Variants in ARHGEF6 observed in about 807,000 individuals in gnomAD.
ARHGEF6 encodes rho guanine nucleotide exchange factor 6.
Under a neutral mutation model 70.3 loss-of-function variants are expected in ARHGEF6, and 9 were observed. That is an observed-to-expected ratio of 0.13 (90% CI 0.08 to 0.22). ARHGEF6 has a LOEUF of 0.22. ARHGEF6 is among the 10% of genes least tolerant of loss of function. ARHGEF6 has a pLI of 1.00. For missense variants in ARHGEF6, 470 were observed against 563.0 expected, an observed-to-expected ratio of 0.83 and a Z score of 1.67; for synonymous variants, 201 against 207.8, an observed-to-expected ratio of 0.97 and a Z score of 0.28.
intron 20 of ARHGEF6, 41 bp from the exon 21 acceptor site, chrX:136,669,577 C>T (rs1247395778): frequency 2.8e-6 from 3 of 1,053,535 alleles, no homozygotes; most frequent in African/African-American, 1.8e-5. Flanking sequence ...ATGGCTTGCA[C>T]TGAGGTACTG....
chrX:136,733,962 C>T (rs1287878371), intron 5 of ARHGEF6, among the ~76,000 whole-genome samples: 1 of 112,053 alleles, frequency 8.9e-6, no homozygotes, highest in Non-Finnish European at 1.9e-5. Flanking sequence ...GAAGACCTTG[C>T]TGGGAAGGAG....
Position 136,709,088 on chromosome X carries a change from T to C in ARHGEF6, c.828-318A>G, listed in dbSNP as rs143285189. 2.3e-3 allele frequency among the ~76,000 whole-genome samples: 255 copies of C among 112,062 alleles called. 2 individuals are homozygous for C. The highest frequency in any genetic ancestry group is 8.0e-3 in the African/African-American group (246 of 30,905). On this transcript the variant is annotated intron_variant, in intron 7 of 21. Coordinates refer to ENST00000250617, the MANE Select transcript of ARHGEF6 (RefSeq NM_004840.3). Reference sequence around the variant, plus strand: ...AAAATACATCATAGCTGTGAATAAGTGTAAAAAACTCTTGAGTACCTTCCT... The same window carrying C: ...AAAATACATCATAGCTGTGAATAAGCGTAAAAAACTCTTGAGTACCTTCCT...
At chrX:136,760,922 T>A (rs1452006418) in intron 2 of ARHGEF6, among the ~76,000 whole-genome samples, 1 of 112,486 alleles carries the variant, frequency 8.9e-6, no homozygotes, top group African/African-American at 3.2e-5. Flanking sequence ...CAGGTAAACA[T>A]GAGCAACTGA....
At chrX:136,780,302 A>G (rs1225733909) in intron 1 of ARHGEF6, among the ~76,000 whole-genome samples, 3 of 111,870 alleles carry the variant, frequency 2.7e-5, no homozygotes, top group Non-Finnish European at 3.8e-5. Context: ...AAGGAAATCT[A>G]CACTGATTTT....
rs756722437 is a variant in ARHGEF6 at position 136,688,558 on chromosome X, C to A, written c.1186-567G>T. Among the ~76,000 whole-genome samples the A allele has an allele frequency of 9.1e-5, 10 of 110,110 alleles. No individual in the cohort carries two copies. In the East Asian group the frequency reaches 2.6e-3, roughly 28 times the overall value. On this transcript the variant is annotated intron_variant, in intron 10 of 21. Transcript: ENST00000250617. ...CCTATAGTCCCAGCTACTTGGGAGG[C>A]TGAGCTGAGAGGATCAGCTGAGCCC...
chrX:136,780,664 G>A, intron 1 of ARHGEF6, 54 bp downstream of exon 1: 2 of 1,078,910 alleles, frequency 1.9e-6, no homozygotes, highest in Non-Finnish European at 2.6e-6. Flanking sequence ...AGAGTTACAT[G>A]ATTGCTGCTC....
intron 2 of ARHGEF6, among the ~76,000 whole-genome samples, chrX:136,774,331 CCAT>C (rs1384675907): frequency 5.5e-4 from 13 of 23,556 alleles, no homozygotes; most frequent in African/African-American, 1.2e-3. Flanking sequence ...GGCAACTTCA[CCAT>C]GTTTTTATTT....
In ARHGEF6 at chrX:136,706,969, A is replaced by T; in HGVS notation, c.985T>A (p.Ser329Thr). The change falls in exon 9 of 22, where the codon TCT becomes ACT. Residue 329 changes from serine (S) to threonine (T), a missense_variant. This residue lies in a region of ARHGEF6 where 379 missense variants were observed against 449.3 expected (regional missense o/e 0.84). Transcript: ENST00000250617. ...TTTGCACAGTAAGCCAGATACATAG[A>T]TTTAAAATGAGGCATGAGACTCAGT... is the stretch of plus-strand genomic sequence containing the variant. Reference protein sequence around the residue: ...CLLSLMPHFKSMYLAYCANHP... With the variant: ...CLLSLMPHFKTMYLAYCANHP... The T allele has an allele frequency of 1.7e-6, 2 of 1,211,209 alleles. No individual in the cohort carries two copies. The highest frequency in any genetic ancestry group is 5.9e-5 in the East Asian group (2 of 33,854).
intron 2 of ARHGEF6, among the ~76,000 whole-genome samples, chrX:136,765,286 A>G (rs1162043724): frequency 8.9e-6 from 1 of 112,447 alleles, no homozygotes; most frequent in Non-Finnish European, 1.9e-5. Flanking sequence ...AAGCACAGTG[A>G]TAAACAGATT....
rs367731529 is a variant in ARHGEF6, at chrX:136,750,971, T to TTTTG, written c.250-3383_250-3380dup. On this transcript the variant is annotated intron_variant, in intron 2 of 21. Coordinates refer to ENST00000250617, the MANE Select transcript of ARHGEF6 (RefSeq NM_004840.3). ...GGACCTGCCACCATGCCCGGCTAAT[T>TTTTG]TTTGTTTGTTTGTTTGTTTGTTTTT... 3.7e-3 allele frequency among the ~76,000 whole-genome samples: 401 copies of TTTTG among 109,583 alleles called. 2 individuals carry two copies. Among genetic ancestry groups the TTTTG allele is most frequent in the African/African-American group, 0.012 (346 of 29,981 alleles).
At chrX:136,743,452 T>C (rs2077065358) in intron 5 of ARHGEF6, 133 bp downstream of exon 5, 2 of 586,612 alleles carry the variant, frequency 3.4e-6, no homozygotes, top group Non-Finnish European at 5.5e-6. Context: ...AGTTCTGTTC[T>C]ACTCTTATTT....
chrX:136,689,821 C>T (rs2076440701), intron 10 of ARHGEF6, among the ~76,000 whole-genome samples: 1 of 111,366 alleles, frequency 9.0e-6, no homozygotes, highest in South Asian at 3.9e-4. Flanking sequence ...CCCTCCTCTC[C>T]CACCCACACT....
At chrX:136,712,194 C>T (rs1207397817) in intron 7 of ARHGEF6, among the ~76,000 whole-genome samples, 1 of 111,562 alleles carries the variant, frequency 9.0e-6, no homozygotes, top group African/African-American at 3.3e-5. Context: ...CTGCAGCCTC[C>T]GCCTCCCAGG....
At chrX:136,748,449 C>A (rs2077118284) in intron 2 of ARHGEF6, among the ~76,000 whole-genome samples, 1 of 112,441 alleles carries the variant, frequency 8.9e-6, no homozygotes, top group African/African-American at 3.2e-5. Flanking sequence ...TTACCTGTTA[C>A]CTTTGAAATG....
At chrX:136,772,724 A>C (rs1285058641) in intron 2 of ARHGEF6, among the ~76,000 whole-genome samples, 1 of 111,406 alleles carries the variant, frequency 9.0e-6, no homozygotes, top group Non-Finnish European at 1.9e-5. Context: ...TTAGCCAGGC[A>C]TAGTGGCAGG....
intron 6 of ARHGEF6, among the ~76,000 whole-genome samples, chrX:136,713,838 CAGTT>C (rs2076711326): frequency 8.9e-6 from 1 of 112,169 alleles, no homozygotes; most frequent in African/African-American, 3.2e-5. Context: ...AGGAAGTTCT[CAGTT>C]AGTTAACAAA....
intron 2 of ARHGEF6, among the ~76,000 whole-genome samples, chrX:136,778,391 T>C (rs2077422774): frequency 8.9e-6 from 1 of 111,856 alleles, no homozygotes; most frequent in South Asian, 3.7e-4. Context: ...ACTTCTTCTG[T>C]CCCAGGCCCT....
chrX:136,727,310 T>C (rs2076863217), intron 6 of ARHGEF6, among the ~76,000 whole-genome samples: 1 of 56,260 alleles, frequency 1.8e-5, no homozygotes, highest in South Asian at 1.3e-3. Flanking sequence ...CTGTAGTCTT[T>C]CTTTCTTTCT....
At position 136,685,682 on chromosome X, in the gene ARHGEF6, A is replaced by T. The variant is rs757760891; in HGVS notation, c.1387T>A (p.Cys463Ser). 2 of 1,207,023 alleles carry T rather than the reference A, an allele frequency of 1.7e-6. No individual in the cohort carries two copies. Among genetic ancestry groups the T allele is most frequent in the Non-Finnish European group, 2.2e-6 (2 of 893,775 alleles). ...TGAGATTTGAAATACCTTACCTCAC[A>T]TGCTCCATACTGCACCATTACTTGT... Reference protein sequence around the residue: ...MSQVMVQYGACEEKEERYLML... With the variant: ...MSQVMVQYGASEEKEERYLML... Residue 463 changes from cysteine to serine, a missense_variant, in exon 12 of 22, where the codon TGT becomes AGT. Transcript: ENST00000250617.
Sources: gnomAD v4.1 joint callset for allele counts (sites outside exome capture counted in the v4.1 genomes callset) on GRCh38, gnomAD v4.1.1 for gene constraint, gnomAD v4.1.1 regional missense constraint, MANE v1.5 for transcripts, NCBI Gene and HGNC (gene_info 2026-07-23, HGNC 2026-07-21) for gene names.